The following SRPK2 variants were observed in gnomAD, a reference collection of about 807,000 sequenced individuals.
The protein encoded by SRPK2 is SFRS protein kinase 2.
A neutral mutation model predicts 90.8 loss-of-function variants in SRPK2; 21 were observed. That is an observed-to-expected ratio of 0.23 (90% CI 0.16 to 0.33). The LOEUF is 0.33. SRPK2 is among the 10% of genes least tolerant of loss of function. The probability of loss-of-function intolerance (pLI) is 1.00; values close to 1 mark genes in which losing one functional copy is unlikely to be tolerated. For synonymous variants in SRPK2, 288 were observed against 311.1 expected (o/e 0.93, Z 0.78); for missense variants, 620 against 869.0 (o/e 0.71, Z 3.60).
At chr7:105,135,209 T>G (rs1802609266) in intron 11 of SRPK2, among the ~76,000 whole-genome samples, 1 of 152,216 alleles carries the variant, frequency 6.6e-6, no homozygotes, top group African/African-American at 2.4e-5. Context: ...TTTCAATATC[T>G]ACAAGTTGTA....
At chr7:105,126,106 AT>A in intron 15 of SRPK2, 141 bp downstream of exon 15, 1 of 764,208 alleles carries the variant, frequency 1.3e-6, no homozygotes, top group Non-Finnish European at 2.1e-6. Context: ...TTCCCTGACA[AT>A]TTTTCTATCA....
chr7:105,136,322 C>A (rs1802803325), intron 11 of SRPK2, among the ~76,000 whole-genome samples: 1 of 152,188 alleles, frequency 6.6e-6, no homozygotes, highest in South Asian at 2.1e-4. Context: ...CTGCTACATT[C>A]CCAAGAAGTC....
intron 2 of SRPK2, among the ~76,000 whole-genome samples, chr7:105,217,830 C>T (rs1563097587): frequency 1.3e-5 from 2 of 152,160 alleles, no homozygotes; most frequent in Admixed American, 6.5e-5. Flanking sequence ...CAAGGCAGAA[C>T]GTAGCTTGAT....
In SRPK2 at chr7:105,161,504, A is replaced by T. The variant is rs537628208; in HGVS notation, c.515-891T>A. Among the ~76,000 whole-genome samples, 14 of 152,314 alleles carry T rather than the reference A, an allele frequency of 9.2e-5. No individual in the cohort carries two copies. In the South Asian group the frequency reaches 2.9e-3, roughly 32 times the overall value. ...CCCACTGTAGGCATGAGGACATGGC[A>T]CTTTCTAGGTGTAGAGTGCACTTAG... On this transcript the variant is annotated intron_variant, in intron 6 of 15. Coordinates refer to ENST00000393651, the MANE Select transcript of SRPK2 (RefSeq NM_182692.3).
chr7:105,164,680 A>G (rs542171984), intron 6 of SRPK2, among the ~76,000 whole-genome samples: 9 of 152,326 alleles, frequency 5.9e-5, no homozygotes, highest in East Asian at 1.9e-4. Flanking sequence ...GAACATGGTG[A>G]CATTCCCTTG....
chr7:105,354,725 A>G (rs1030494095), intron 2 of SRPK2, among the ~76,000 whole-genome samples: 2 of 152,212 alleles, frequency 1.3e-5, no homozygotes, highest in African/African-American at 4.8e-5. Context: ...TTGTTTTTTA[A>G]TAACAACTAC....
Position 105,347,356 on chromosome 7 carries a change from A to G in SRPK2, c.71+41292T>C, listed in dbSNP as rs1011037666. ...GGATTACAGGCCACCATGCCTGGCTAATTTTTTCTTTAATTTTTGTAGAGA... is the reference window on the plus strand; with the variant it reads ...GGATTACAGGCCACCATGCCTGGCTGATTTTTTCTTTAATTTTTGTAGAGA... On this transcript the variant is annotated intron_variant, in intron 2 of 15. Coordinates refer to ENST00000393651, the MANE Select transcript of SRPK2 (RefSeq NM_182692.3). 9.9e-5 allele frequency among the ~76,000 whole-genome samples: 15 copies of G among 151,756 alleles called. 3 individuals are homozygous for G. Among genetic ancestry groups the G allele is most frequent in the Admixed American group, 9.2e-4 (14 of 15,212 alleles).
chr7:105,298,222 T>TC (rs1810096547), intron 2 of SRPK2, among the ~76,000 whole-genome samples: 1 of 152,198 alleles, frequency 6.6e-6, no homozygotes, highest in Admixed American at 6.5e-5. Flanking sequence ...CTGATGTGTT[T>TC]CCCAGAGTCT....
intron 6 of SRPK2, among the ~76,000 whole-genome samples, chr7:105,161,281 T>C (rs908978017): frequency 6.6e-6 from 1 of 152,246 alleles, no homozygotes; most frequent in African/African-American, 2.4e-5. Context: ...ACAATGTATA[T>C]GCTATGTAAA....
At chr7:105,289,631 T>A (rs887447722) in intron 2 of SRPK2, among the ~76,000 whole-genome samples, 2 of 152,230 alleles carry the variant, frequency 1.3e-5, no homozygotes, top group Non-Finnish European at 2.9e-5. Flanking sequence ...ATTCACTGGT[T>A]GATATTCTAT....
chr7:105,374,061 G>A (rs1820011485), intron 2 of SRPK2, among the ~76,000 whole-genome samples: 1 of 152,088 alleles, frequency 6.6e-6, no homozygotes, highest in African/African-American at 2.4e-5. Context: ...CCAAGTAGCT[G>A]GGATTATGGC....
At chr7:105,373,377 C>CA (rs34073549) in intron 2 of SRPK2, among the ~76,000 whole-genome samples, 63,030 of 136,910 alleles carry the variant, frequency 0.46, 16,088 homozygotes, top group South Asian at 0.58. Context: ...TACTTTGCCA[C>CA]AAAAAAAAAA....
At chr7:105,385,029 C>G (rs749241253) in intron 2 of SRPK2, among the ~76,000 whole-genome samples, 2 of 148,108 alleles carry the variant, frequency 1.4e-5, no homozygotes, top group African/African-American at 5.0e-5. Context: ...GGCGCCCACA[C>G]GCCCAGCTAA....
intron 4 of SRPK2, among the ~76,000 whole-genome samples, chr7:105,168,403 C>G (rs1790362253): frequency 6.6e-6 from 1 of 152,154 alleles, no homozygotes; most frequent in African/African-American, 2.4e-5. Context: ...GGTCACATCT[C>G]CAAGATAGGT....
At position 105,170,969 on chromosome 7, in the gene SRPK2, G is replaced by GAA. The variant is rs1563027017; in HGVS notation, c.230-1706_230-1705dup. The stretch of plus-strand genomic sequence containing the variant: ...AAAGAAAGAAAGAAAGAAAGAAAGA[G>GAA]AAAGAAAGAGAAAGAAAGAAAGAAA... On this transcript the variant is annotated intron_variant, in intron 3 of 15. Coordinates refer to ENST00000393651, the MANE Select transcript of SRPK2 (RefSeq NM_182692.3). 2.3e-4 allele frequency among the ~76,000 whole-genome samples: 12 copies of GAA among 51,120 alleles called. 2 individuals carry two copies. The highest frequency in any genetic ancestry group is 4.4e-4 in the Non-Finnish European group (11 of 24,772). 33.5% of individuals were successfully genotyped at this position (51,120 alleles called of 152,430 possible). A position where few individuals can be genotyped will look rare whatever the true frequency, so the allele number is the denominator to read the frequency against.
chr7:105,342,654 T>A (rs1815961498), intron 2 of SRPK2, among the ~76,000 whole-genome samples: 1 of 152,146 alleles, frequency 6.6e-6, no homozygotes, highest in Non-Finnish European at 1.5e-5. Flanking sequence ...ACTTCCAGAA[T>A]CCACCTTGTT....
intron 3 of SRPK2, among the ~76,000 whole-genome samples, chr7:105,194,370 G>T (rs1381787830): frequency 6.6e-6 from 1 of 151,730 alleles, no homozygotes; most frequent in African/African-American, 2.4e-5. Context: ...AGGCAAAAAA[G>T]AATAATAATT....
intron 2 of SRPK2, among the ~76,000 whole-genome samples, chr7:105,223,920 A>T (rs1327478434): frequency 5.9e-5 from 9 of 152,212 alleles, no homozygotes; most frequent in Non-Finnish European, 1.5e-5. Context: ...ATAACATATA[A>T]AAAATATTGC....
At chr7:105,377,975 A>C (rs1434838987) in intron 2 of SRPK2, among the ~76,000 whole-genome samples, 2 of 152,104 alleles carry the variant, frequency 1.3e-5, no homozygotes, top group Non-Finnish European at 2.9e-5. Context: ...AACTCCCCAC[A>C]CAATAGCTAA....
Sources: allele counts gnomAD v4.1 joint callset (sites outside exome capture counted in the v4.1 genomes callset), GRCh38; gene constraint gnomAD v4.1.1; transcripts MANE v1.5; gene names NCBI Gene and HGNC (gene_info 2026-07-23, HGNC 2026-07-21).